HS2ST1: variants seen among roughly 807,000 people sequenced by gnomAD.
HS2ST1 encodes 2-O-sulfotransferase.
Under a neutral mutation model 42.9 loss-of-function variants are expected in HS2ST1, and 18 were observed. That is an observed-to-expected ratio of 0.42 (90% CI 0.29 to 0.62). The LOEUF (loss-of-function observed/expected upper bound fraction) is 0.62, where lower values mean the gene tolerates loss of function less well. Ranked by LOEUF, HS2ST1 falls within the 20% of genes least tolerant of loss-of-function variation. The probability of loss-of-function intolerance (pLI) is 0.21; values close to 1 mark genes in which losing one functional copy is unlikely to be tolerated. For synonymous variants in HS2ST1, 146 were observed against 152.9 expected (o/e 0.95, Z 0.33); for missense variants, 334 against 433.8 (o/e 0.77, Z 2.04).
At chr1:87,037,930 T>G (rs1366262721) in intron 1 of HS2ST1, among the ~76,000 whole-genome samples, 4 of 152,006 alleles carry the variant, frequency 2.6e-5, no homozygotes, top group Admixed American at 2.6e-4. Flanking sequence ...CTGTGAACAT[T>G]TTTCTTCATA....
intron 1 of HS2ST1, among the ~76,000 whole-genome samples, chr1:87,053,590 G>A (rs1190488927): frequency 6.6e-6 from 1 of 152,072 alleles, no homozygotes; most frequent in African/African-American, 2.4e-5. Flanking sequence ...TTAGTTAAAT[G>A]CATTCTTAGT....
chr1:86,944,865 T>C, intron 1 of HS2ST1, among the ~76,000 whole-genome samples: 1 of 151,866 alleles, frequency 6.6e-6, no homozygotes, highest in African/African-American at 2.4e-5. Flanking sequence ...CAAATTGTCA[T>C]GAAGCAACTC....
chr1:86,955,390 G>T (rs1008497441), intron 1 of HS2ST1, among the ~76,000 whole-genome samples: 1 of 152,180 alleles, frequency 6.6e-6, no homozygotes, highest in Admixed American at 6.5e-5. Flanking sequence ...TGCGAGGAGG[G>T]ATCTAGGTGG....
chr1:87,010,100 G>A (rs1301627399), intron 1 of HS2ST1, among the ~76,000 whole-genome samples: 3 of 151,734 alleles, frequency 2.0e-5, no homozygotes, highest in Non-Finnish European at 4.4e-5. Context: ...CTGGCACATA[G>A]CACTTTCACA....
chr1:86,953,913 G>C (rs1449134980), intron 1 of HS2ST1, among the ~76,000 whole-genome samples: 1 of 151,904 alleles, frequency 6.6e-6, no homozygotes, highest in Non-Finnish European at 1.5e-5. Flanking sequence ...GGGGAAAATG[G>C]GGAATGGCTG....
intron 1 of HS2ST1, among the ~76,000 whole-genome samples, chr1:87,033,993 A>C (rs1650308176): frequency 6.6e-6 from 1 of 152,254 alleles, no homozygotes; most frequent in South Asian, 2.1e-4. Flanking sequence ...CTGGTTTAGA[A>C]GTTCAGACAC....
At chr1:87,045,975 CA>C in intron 1 of HS2ST1, 1 of 717,252 alleles carries the variant, frequency 1.4e-6, no homozygotes, top group Non-Finnish European at 2.6e-6. Flanking sequence ...GTTTTTGTTT[CA>C]AAAGAAACAT....
At chr1:86,980,142 T>C (rs967816453) in intron 1 of HS2ST1, among the ~76,000 whole-genome samples, 7 of 152,188 alleles carry the variant, frequency 4.6e-5, no homozygotes, top group African/African-American at 7.2e-5. Context: ...GCCTGCTCAC[T>C]CTATGTTGGG....
At chr1:86,956,023 T>C (rs535825431) in intron 1 of HS2ST1, among the ~76,000 whole-genome samples, 2 of 152,190 alleles carry the variant, frequency 1.3e-5, no homozygotes, top group Non-Finnish European at 2.9e-5. Context: ...AAATAGTTGA[T>C]CTGCATATTC....
At chr1:86,925,709 A>G (rs1173021713) in intron 1 of HS2ST1, among the ~76,000 whole-genome samples, 1 of 152,210 alleles carries the variant, frequency 6.6e-6, no homozygotes, top group Admixed American at 6.5e-5. Flanking sequence ...CCTGCAACAC[A>G]TGTGAATTCA....
chr1:86,993,501 T>C (rs1318069125), intron 1 of HS2ST1, among the ~76,000 whole-genome samples: 1 of 152,210 alleles, frequency 6.6e-6, no homozygotes, highest in Non-Finnish European at 1.5e-5. Flanking sequence ...TGCATTCTTA[T>C]CAGTAAGATA....
intron 3 of HS2ST1, among the ~76,000 whole-genome samples, chr1:87,085,221 T>C (rs937121792): frequency 6.6e-6 from 1 of 152,164 alleles, no homozygotes; most frequent in Non-Finnish European, 1.5e-5. Flanking sequence ...ATTATTTAGC[T>C]TAGACATGTT....
intron 1 of HS2ST1, among the ~76,000 whole-genome samples, chr1:86,977,207 A>T (rs1648445491): frequency 6.6e-6 from 1 of 152,188 alleles, no homozygotes; most frequent in Admixed American, 6.5e-5. Flanking sequence ...TACATGATGG[A>T]TATTAACTCC....
intron 1 of HS2ST1, among the ~76,000 whole-genome samples, chr1:86,963,872 C>T (rs1402863532): frequency 1.1e-4 from 17 of 148,712 alleles, no homozygotes; most frequent in African/African-American, 2.7e-4. Context: ...GGTGGCTGGC[C>T]GGGCGGGGCG....
intron 1 of HS2ST1, among the ~76,000 whole-genome samples, chr1:87,031,088 C>T (rs925193471): frequency 2.6e-5 from 4 of 152,080 alleles, no homozygotes; most frequent in African/African-American, 4.8e-5. Context: ...CATAGACTCA[C>T]GCCCCCACAC....
chr1:86,993,367 C>T (rs1205961285), intron 1 of HS2ST1, among the ~76,000 whole-genome samples: 2 of 151,404 alleles, frequency 1.3e-5, no homozygotes, highest in Admixed American at 6.6e-5. Flanking sequence ...TTTGGTGGGG[C>T]GGTGGGCGGG....
rs558088266 is a variant in HS2ST1, at chr1:86,951,378, G to A, written c.124+36218G>A. 8.5e-4 allele frequency among the ~76,000 whole-genome samples: 129 copies of A among 152,222 alleles called. 1 individual carries two copies. The highest frequency in any genetic ancestry group is 2.1e-3 in the African/African-American group (87 of 41,540). ...ATTATGGGTTCAATTCCAGAGCACC[G>A]AAATAAGGCAAATAGTGCAATAAAG... On this transcript the variant is annotated intron_variant, in intron 1 of 6. Coordinates refer to ENST00000370550, the MANE Select transcript of HS2ST1 (RefSeq NM_012262.4).
chr1:86,925,475 A>G (rs1445239580), intron 1 of HS2ST1, among the ~76,000 whole-genome samples: 1 of 152,202 alleles, frequency 6.6e-6, no homozygotes, highest in Non-Finnish European at 1.5e-5. Context: ...TAACTAAAAG[A>G]CGTTTAATAG....
At position 86,924,619 on chromosome 1, in the gene HS2ST1, A is replaced by C. The variant is rs536988245; in HGVS notation, c.124+9459A>C. On this transcript the variant is annotated intron_variant, in intron 1 of 6. Coordinates refer to ENST00000370550, the MANE Select transcript of HS2ST1 (RefSeq NM_012262.4). ...CACTCGCAGGCTCAACACCATGTGG[A>C]AGCTGCCAAGGCTTGGGGATTGCAC... is the stretch of plus-strand genomic sequence containing the variant. 9.0e-4 allele frequency among the ~76,000 whole-genome samples: 137 copies of C among 152,284 alleles called. No individual in the cohort carries two copies. The South Asian group carries it at 0.027, about 30-fold the overall frequency.
Sources: allele counts gnomAD v4.1 joint callset (sites outside exome capture counted in the v4.1 genomes callset), GRCh38; gene constraint gnomAD v4.1.1; transcripts MANE v1.5; gene names NCBI Gene and HGNC (gene_info 2026-07-23, HGNC 2026-07-21).